Variants in REN observed in about 807,000 individuals in gnomAD.
REN encodes angiotensin-forming enzyme.
REN carries 42 observed loss-of-function variants against 48.6 expected under a neutral mutation model. The observed-to-expected ratio is 0.86, with a 90% confidence interval of 0.68 to 1.12. REN has a LOEUF of 1.12. REN is among the 50% of genes most tolerant of loss of function. REN has a pLI of 0.00. For missense variants in REN, 443 were observed against 527.3 expected, an observed-to-expected ratio of 0.84 and a Z score of 1.57; for synonymous variants, 196 against 204.6, an observed-to-expected ratio of 0.96 and a Z score of 0.36.
rs1389290184 is a variant in REN at position 204,156,124 on chromosome 1, G to A, written c.960+54C>T. On this transcript the variant is annotated intron_variant, in intron 8 of 9. Coordinates refer to ENST00000272190, the MANE Select transcript of REN (RefSeq NM_000537.4). The surrounding 1 kb of genome is among the most constrained non-coding windows in gnomAD (Gnocchi z 4.2). ...CATTTGCCTGGGGGATTTGTGAGCC[G>A]ATACCAGGTGGCGCTCCCCCCACCC... 61 of 1,611,924 alleles carry A rather than the reference G, an allele frequency of 3.8e-5. No individual in the cohort carries two copies. In the Admixed American group the frequency reaches 5.0e-4, roughly 13 times the overall value.
At chr1:204,157,311 C>T in intron 6 of REN, 50 bp downstream of exon 6, 2 of 1,613,510 alleles carry the variant, frequency 1.2e-6, no homozygotes, top group South Asian at 2.2e-5. Flanking sequence ...AGGTCAGGTG[C>T]TCGGGGAGTA....
intron 9 of REN, among the ~76,000 whole-genome samples, chr1:204,155,436 T>C (rs935808320): frequency 7.2e-5 from 11 of 152,192 alleles, no homozygotes; most frequent in African/African-American, 2.2e-4. Context: ...CAGTTTGCCT[T>C]AGCTTCTGAT....
At position 204,163,713 on chromosome 1, in the gene REN, G is replaced by A. The variant is rs142118381; in HGVS notation, c.99-1550C>T. 2.6e-4 allele frequency among the ~76,000 whole-genome samples: 40 copies of A among 152,204 alleles called. No individual in the cohort carries two copies. In the Middle Eastern group the frequency reaches 0.01, roughly 39 times the overall value. On this transcript the variant is annotated intron_variant, in intron 1 of 9. Transcript: ENST00000272190. ...GTGGGCCTCAGCTCTGTTTTTCCTT[G>A]GGTCTCACAGCCCACACTGTACAGC...
At position 204,156,355 on chromosome 1, in the gene REN, G is replaced by A. The variant is rs1396256804; in HGVS notation, c.819-36C>T. ...CCACAGTCAGACAGACAGACAGACA[G>A]ACAGACAGAAGGCTGATGGGGCACC... On this transcript the variant is annotated intron_variant, in intron 7 of 9. Coordinates refer to ENST00000272190, the MANE Select transcript of REN (RefSeq NM_000537.4). The surrounding 1 kb of genome is among the most constrained non-coding windows in gnomAD (Gnocchi z 4.2). The A allele has an allele frequency of 1.9e-6, 3 of 1,547,440 alleles. No individual in the cohort carries two copies. The highest frequency in any genetic ancestry group is 2.6e-6 in the Non-Finnish European group (3 of 1,140,652).
chr1:204,163,409 T>G (rs1326720164), intron 1 of REN, among the ~76,000 whole-genome samples: 1 of 152,242 alleles, frequency 6.6e-6, no homozygotes, highest in Non-Finnish European at 1.5e-5. Flanking sequence ...AATCATTATT[T>G]TATTTGCTCT....
chr1:204,161,038 A>G (rs1658237257), intron 3 of REN, among the ~76,000 whole-genome samples: 1 of 152,168 alleles, frequency 6.6e-6, no homozygotes. Flanking sequence ...TCCTGTCTCA[A>G]TCTCAGGAAG....
intron 5 of REN, 148 bp from the exon 6 acceptor site, chr1:204,157,517 C>A: frequency 8.9e-7 from 1 of 1,122,780 alleles, no homozygotes; most frequent in South Asian, 1.3e-5. Flanking sequence ...CTGAAGTTAC[C>A]CAGTCCATGA....
At chr1:204,161,258 A>T in intron 3 of REN, 34 bp downstream of exon 3, 3 of 1,557,696 alleles carry the variant, frequency 1.9e-6, no homozygotes, top group South Asian at 1.3e-5. Context: ...GGGCAGGGGG[A>T]TGGAGGAGAG....
intron 4 of REN, among the ~76,000 whole-genome samples, 177 bp downstream of exon 4, chr1:204,160,383 C>G (rs1200035442): frequency 2.0e-5 from 3 of 152,246 alleles, no homozygotes; most frequent in Admixed American, 1.3e-4. Context: ...CTTGCTCCCC[C>G]ATAGGTACTG....
In REN at chr1:204,156,751, G is replaced by A. The variant is rs747881047; in HGVS notation, c.744C>T (p.Asp248=). Residue 248 remains aspartate (D), a synonymous_variant, in exon 7 of 10, where the codon GAC becomes GAT. Coordinates refer to ENST00000272190, the MANE Select transcript of REN (RefSeq NM_000537.4). This position sits in a 1 kb window ranked among gnomAD's most constrained non-coding sequence, Gnocchi z 4.2. Reference sequence around the variant, plus strand: ...GGAAATTCCCTTCGTAATGCTGGGGGTCGCTGCCTCCCAGCACAATCTGTC... The same window carrying A: ...GGAAATTCCCTTCGTAATGCTGGGGATCGCTGCCTCCCAGCACAATCTGTC... The part of the protein sequence containing the change: ...LGGQIVLGGS[D]PQHYEGNFHY... 6.2e-6 allele frequency: 10 copies of A among 1,614,048 alleles called. No homozygotes were observed. The South Asian group carries it at 8.8e-5, about 14-fold the overall frequency.
At chr1:204,161,851 G>A (rs1316924648) in intron 2 of REN, among the ~76,000 whole-genome samples, 162 bp downstream of exon 2, 1 of 152,134 alleles carries the variant, frequency 6.6e-6, no homozygotes, top group Non-Finnish European at 1.5e-5. Flanking sequence ...TCTGTGCTCA[G>A]GCTTTCCAGC....
chr1:204,160,912 AAC>A (rs1269943912), intron 3 of REN, among the ~76,000 whole-genome samples: 1 of 152,140 alleles, frequency 6.6e-6, no homozygotes, highest in Non-Finnish European at 1.5e-5. Context: ...AGTAATCACT[AAC>A]ACTGATAACA....
Position 204,159,383 on chromosome 1 carries a change from G to A in REN, c.689+16C>T. 1 of 1,612,090 alleles carries A rather than the reference G, an allele frequency of 6.2e-7. No individual in the cohort carries two copies. Among genetic ancestry groups the A allele is most frequent in the South Asian group, 1.1e-5 (1 of 91,016 alleles). ...TCCTGTCCCCCCACCTCAGCCCTTG[G>A]AGTCCCAGTCCCCACCTGTTGTAGT... On this transcript the variant is annotated intron_variant, in intron 5 of 9. Coordinates refer to ENST00000272190, the MANE Select transcript of REN (RefSeq NM_000537.4).
Position 204,166,200 on chromosome 1 carries a change from TA to T in REN, c.93del (p.Phe31LeufsTer16), listed in dbSNP as rs1307890484. 6.2e-7 allele frequency: 1 copy of T among 1,613,972 alleles called. No individual in the cohort carries two copies. The highest frequency in any genetic ancestry group is 8.5e-7 in the Non-Finnish European group (1 of 1,179,866). On this transcript the variant is annotated frameshift_variant, in exon 1 of 10. Coordinates refer to ENST00000272190, the MANE Select transcript of REN (RefSeq NM_000537.4). LOFTEE classifies it high-confidence loss of function. ...TFGLPTDTTT[F>X]KRIFLKRMPS... is the part of the protein sequence containing the mutation. The stretch of plus-strand genomic sequence containing the variant: ...TCTGCCTGAGTTACCAATTACCGTT[TA>T]AAGGTGGTGGTGTCTGTCGGGAGAC...
intron 4 of REN, among the ~76,000 whole-genome samples, chr1:204,159,946 T>C (rs1010101823): frequency 1.3e-5 from 2 of 151,706 alleles, no homozygotes; most frequent in Non-Finnish European, 2.9e-5. Flanking sequence ...GGGCGAAGGG[T>C]TTCTTTAGCA....
In REN at chr1:204,155,164, C is replaced by A. The variant is rs770946516; in HGVS notation, c.1073G>T (p.Ser358Ile). ...ADYVFQESYS[S>I]KKLCTLAIHA... is the part of the protein sequence containing the mutation. ...GATGGCCAGTGTGCACAGCTTTTTA[C>A]TACTGTAGGATTCCTGGCAGGAAGG... The change falls in exon 10 of 10, where the codon AGT becomes ATT. Residue 358 changes from serine (S) to isoleucine (I), a missense_variant. Physicochemically the swap from Ser to Ile is moderately radical, Grantham distance 142 (BLOSUM62 -2). Transcript: ENST00000272190. The A allele has an allele frequency of 6.2e-7, 1 of 1,614,166 alleles. No individual in the cohort carries two copies. Among genetic ancestry groups the A allele is most frequent in the Non-Finnish European group, 8.5e-7 (1 of 1,179,994 alleles).
In REN at chr1:204,161,330, A is replaced by G. The variant is rs1221956054; in HGVS notation, c.335T>C (p.Val112Ala). Residue 112 changes from valine (V) to alanine (A), a missense_variant, in exon 3 of 10, where the codon GTG becomes GCG. Transcript: ENST00000272190. ...VFDTGSSNVW[V>A]PSSKCSRLYT... is the part of the protein sequence containing the mutation. The stretch of plus-strand genomic sequence containing the variant: ...GAGACGGCTGCACTTGGAGGAGGGC[A>G]CCCAAACATTGGACGAACCAGTGTC... 1 of 1,608,936 alleles carries G rather than the reference A, an allele frequency of 6.2e-7. No individual in the cohort carries two copies. Among genetic ancestry groups the G allele is most frequent in the Non-Finnish European group, 8.5e-7 (1 of 1,177,894 alleles).
intron 5 of REN, among the ~76,000 whole-genome samples, chr1:204,158,837 C>T (rs1658195243): frequency 6.6e-6 from 1 of 152,196 alleles, no homozygotes; most frequent in African/African-American, 2.4e-5. Context: ...ACAGATTCTG[C>T]CTTGTTCACT....
chr1:204,159,939 C>A (rs781621879), intron 4 of REN, among the ~76,000 whole-genome samples: 1 of 152,114 alleles, frequency 6.6e-6, no homozygotes, highest in Non-Finnish European at 1.5e-5. Context: ...TTATCATGGG[C>A]GAAGGGTTTC....
Sources: allele counts gnomAD v4.1 joint callset (sites outside exome capture counted in the v4.1 genomes callset), GRCh38; gene constraint gnomAD v4.1.1; non-coding constraint Gnocchi (gnomAD v3.1); transcripts MANE v1.5; gene names NCBI Gene and HGNC (gene_info 2026-07-23, HGNC 2026-07-21).